BABAM2: variants seen among roughly 807,000 people sequenced by gnomAD.
BABAM2 encodes the protein BRISC and BRCA1-A complex member 2.
A neutral mutation model predicts 54.7 loss-of-function variants in BABAM2; 31 were observed. The observed-to-expected ratio is 0.57, with a 90% confidence interval of 0.43 to 0.77. The LOEUF is 0.77. Ranked by LOEUF, BABAM2 falls within the 30% of genes least tolerant of loss-of-function variation. BABAM2 has a pLI of 0.00. For synonymous variants in BABAM2, 167 were observed against 162.9 expected (o/e 1.03, Z -0.19); for missense variants, 364 against 455.8 (o/e 0.80, Z 1.83).
At chr2:27,978,221 T>C (rs974604888) in intron 3 of BABAM2, among the ~76,000 whole-genome samples, 17 of 152,088 alleles carry the variant, frequency 1.1e-4, no homozygotes, top group Non-Finnish European at 1.0e-4. Flanking sequence ...ATCTGGTTGT[T>C]TAAAAGAGCG....
chr2:27,919,407 G>A (rs1380976896), intron 2 of BABAM2, among the ~76,000 whole-genome samples: 1 of 152,240 alleles, frequency 6.6e-6, no homozygotes, highest in East Asian at 1.9e-4. Context: ...ATGAGAGTTG[G>A]TATTCTTGTC....
At chr2:28,025,945 C>A (rs1300081087) in intron 5 of BABAM2, among the ~76,000 whole-genome samples, 1 of 152,160 alleles carries the variant, frequency 6.6e-6, no homozygotes, top group East Asian at 1.9e-4. Context: ...ATGTACTTCT[C>A]TTTTTTTCTC....
rs553293287 is a variant in BABAM2, at chr2:27,901,042, C to CA, written c.128+6378dup. On this transcript the variant is annotated intron_variant, in intron 2 of 11. Transcript: ENST00000379624. Reference sequence around the variant, plus strand: ...TGGGCGACAGAGTGAGACTCTGTCTCAAAAAAAAAAAAAAAAAAAAGGAAA... The same window carrying CA: ...TGGGCGACAGAGTGAGACTCTGTCTCAAAAAAAAAAAAAAAAAAAAAGGAAA... Among the ~76,000 whole-genome samples the CA allele has an allele frequency of 4.9e-3, 408 of 83,374 alleles. 1 individual carries two copies. Among genetic ancestry groups the CA allele is most frequent in the African/African-American group, 0.013 (278 of 21,856 alleles). 54.7% of individuals were successfully genotyped at this position (83,374 alleles called of 152,430 possible).
At chr2:28,306,593 G>T (rs1688540128) in intron 11 of BABAM2, among the ~76,000 whole-genome samples, 1 of 151,812 alleles carries the variant, frequency 6.6e-6, no homozygotes, top group Admixed American at 6.6e-5. Flanking sequence ...TCTTTATCCT[G>T]TCTGTGTCTT....
At chr2:28,222,150 C>A (rs889982883) in intron 7 of BABAM2, among the ~76,000 whole-genome samples, 1 of 152,116 alleles carries the variant, frequency 6.6e-6, no homozygotes, top group Non-Finnish European at 1.5e-5. Flanking sequence ...AGTTGTGAAC[C>A]CTTCCCTGCC....
At chr2:28,300,240 G>C (rs1224092748) in intron 11 of BABAM2, among the ~76,000 whole-genome samples, 1 of 152,152 alleles carries the variant, frequency 6.6e-6, no homozygotes, top group Non-Finnish European at 1.5e-5. Flanking sequence ...CGCCCAGCCT[G>C]AGATTCTTAA....
At chr2:28,291,263 C>T (rs1687259239) in intron 10 of BABAM2, among the ~76,000 whole-genome samples, 1 of 152,112 alleles carries the variant, frequency 6.6e-6, no homozygotes, top group Non-Finnish European at 1.5e-5. Context: ...GTGGAAAAAT[C>T]CAAGAAACTT....
intron 4 of BABAM2, among the ~76,000 whole-genome samples, chr2:28,008,802 G>T (rs1371504353): frequency 6.6e-6 from 1 of 152,086 alleles, no homozygotes; most frequent in African/African-American, 2.4e-5. Context: ...CAGATGAAAG[G>T]ATCAAGTTTA....
At chr2:28,309,073 A>T (rs771237653) in intron 11 of BABAM2, 1 of 152,332 alleles carries the variant, frequency 6.6e-6, no homozygotes, top group Non-Finnish European at 1.5e-5. Flanking sequence ...TTAGGCAACT[A>T]AAATCAAGGC....
chr2:28,338,257 A>C (rs1313318334), intron 11 of BABAM2, among the ~76,000 whole-genome samples, 193 bp from the exon 12 acceptor site: 1 of 152,252 alleles, frequency 6.6e-6, no homozygotes, highest in African/African-American at 2.4e-5. Context: ...GAGAGATGTC[A>C]CAGTAGTGAA....
chr2:28,210,780 C>T (rs575380435), intron 7 of BABAM2, among the ~76,000 whole-genome samples: 8 of 152,256 alleles, frequency 5.3e-5, no homozygotes, highest in African/African-American at 1.9e-4. Flanking sequence ...TACTTTTGGC[C>T]AGTCCCTTAA....
At chr2:28,033,502 G>T (rs980044903) in intron 5 of BABAM2, among the ~76,000 whole-genome samples, 6 of 152,080 alleles carry the variant, frequency 3.9e-5, no homozygotes, top group African/African-American at 1.4e-4. Context: ...TGGCGAGAGG[G>T]CTAAGCATGC....
chr2:28,184,377 G>A (rs922356804), intron 7 of BABAM2, among the ~76,000 whole-genome samples: 4 of 149,538 alleles, frequency 2.7e-5, no homozygotes, highest in Admixed American at 2.0e-4. Context: ...TGTGCACAAA[G>A]TGTAGGTTTG....
At chr2:28,102,663 G>A (rs747244574) in intron 6 of BABAM2, among the ~76,000 whole-genome samples, 7 of 152,190 alleles carry the variant, frequency 4.6e-5, no homozygotes, top group Non-Finnish European at 8.8e-5. Flanking sequence ...TAGGATGCAG[G>A]AAAACAGTGT....
intron 4 of BABAM2, chr2:28,016,307 A>T: frequency 9.6e-7 from 1 of 1,037,408 alleles, no homozygotes; most frequent in Non-Finnish European, 1.5e-6. Flanking sequence ...TTCACATTCA[A>T]CCAAACTCTT....
intron 7 of BABAM2, among the ~76,000 whole-genome samples, chr2:28,180,340 A>G (rs1675482250): frequency 6.6e-6 from 1 of 152,166 alleles, no homozygotes; most frequent in African/African-American, 2.4e-5. Context: ...GTTTTTGACA[A>G]TGCCACCAAG....
At chr2:27,903,099 C>T (rs557807095) in intron 2 of BABAM2, among the ~76,000 whole-genome samples, 1 of 151,312 alleles carries the variant, frequency 6.6e-6, no homozygotes, top group African/African-American at 2.4e-5. Flanking sequence ...CCCCACCCCC[C>T]CCACCGTATG....
chr2:28,091,020 A>G (rs1001613082), intron 6 of BABAM2, among the ~76,000 whole-genome samples: 3 of 152,228 alleles, frequency 2.0e-5, no homozygotes, highest in African/African-American at 7.2e-5. Flanking sequence ...TTCATCTACC[A>G]TAATGATTGT....
intron 4 of BABAM2, among the ~76,000 whole-genome samples, chr2:28,010,571 A>G (rs997340024): frequency 3.9e-5 from 6 of 152,086 alleles, no homozygotes; most frequent in African/African-American, 1.4e-4. Flanking sequence ...AAGGGTGATA[A>G]TGGTGTTGTG....
Sources: allele counts gnomAD v4.1 joint callset (sites outside exome capture counted in the v4.1 genomes callset), GRCh38; gene constraint gnomAD v4.1.1; transcripts MANE v1.5; gene names NCBI Gene and HGNC (gene_info 2026-07-23, HGNC 2026-07-21).